The following BCORL1 variants were observed in gnomAD, a reference collection of about 807,000 sequenced individuals.
BCORL1 encodes the protein BCL-6 corepressor-like protein 1.
BCORL1 carries 7 observed loss-of-function variants against 87.6 expected under a neutral mutation model. That is an observed-to-expected ratio of 0.08 (90% CI 0.05 to 0.15). BCORL1 has a LOEUF of 0.15. Among genes scored for constraint, BCORL1 ranks in the 10% least tolerant of loss-of-function variants. The probability of loss-of-function intolerance (pLI) is 1.00; values close to 1 mark genes in which losing one functional copy is unlikely to be tolerated. For synonymous variants in BCORL1, 591 were observed against 634.4 expected (o/e 0.93, Z 1.03); for missense variants, 1,215 against 1,499.7 (o/e 0.81, Z 3.13).
chrX:130,032,733 CTATT>C (rs61204194), intron 8 of BCORL1, among the ~76,000 whole-genome samples: 22,444 of 87,326 alleles, frequency 0.26, 2,495 homozygotes, highest in East Asian at 0.3. Flanking sequence ...AGAATCTCTT[CTATT>C]TATTTATTTA....
intron 2 of BCORL1, among the ~76,000 whole-genome samples, chrX:130,009,174 G>C (rs187838724): frequency 9.0e-6 from 1 of 111,503 alleles, no homozygotes; most frequent in East Asian, 2.8e-4. Context: ...GACAATAAGA[G>C]CACAGTGTGG....
Position 130,013,849 on chromosome X carries a change from T to C in BCORL1, c.1077T>C (p.Thr359=). The C allele has an allele frequency of 8.6e-7, 1 of 1,163,497 alleles. No individual in the cohort carries two copies. The change falls in exon 4 of 14, where the codon ACT becomes ACC. Residue 359 remains threonine, a synonymous_variant. Coordinates refer to ENST00000540052, the MANE Select transcript of BCORL1 (RefSeq NM_001379451.1). The part of the protein sequence containing the change: ...APAPPSVPMP[T]PTPSSGPPST... Reference sequence around the variant, plus strand: ...CCCCTCCGTCTGTGCCCATGCCCACTCCAACCCCATCTTCCGGCCCACCTT... The same window carrying C: ...CCCCTCCGTCTGTGCCCATGCCCACCCCAACCCCATCTTCCGGCCCACCTT...
At chrX:130,006,778 G>T (rs1928542718) in intron 2 of BCORL1, among the ~76,000 whole-genome samples, 1 of 110,448 alleles carries the variant, frequency 9.1e-6, no homozygotes, top group African/African-American at 3.3e-5. Flanking sequence ...TACTATGTTG[G>T]CCAGGCTGGT....
intron 1 of BCORL1, among the ~76,000 whole-genome samples, chrX:130,002,621 A>G (rs1327499222): frequency 1.9e-5 from 2 of 106,411 alleles, no homozygotes; most frequent in African/African-American, 6.9e-5. Flanking sequence ...GAAATGGGGA[A>G]GGTGAGATAA....
intron 1 of BCORL1, among the ~76,000 whole-genome samples, chrX:129,992,959 G>A (rs1490662976): frequency 9.0e-6 from 1 of 111,613 alleles, no homozygotes; most frequent in Non-Finnish European, 1.9e-5. Context: ...GGACCCAGAA[G>A]CATCTCAAAA....
chrX:129,991,994 G>C (rs939912127), intron 1 of BCORL1, among the ~76,000 whole-genome samples: 4 of 107,551 alleles, frequency 3.7e-5, no homozygotes, highest in Non-Finnish European at 7.7e-5. Flanking sequence ...TTCTGAGATG[G>C]AGTCTTGCTC....
At chrX:130,050,308 T>C (rs5977196) in intron 11 of BCORL1, among the ~76,000 whole-genome samples, 11,385 of 108,953 alleles carry the variant, frequency 0.1, 1,565 homozygotes, top group African/African-American at 0.36. Flanking sequence ...TGTGGTGGTA[T>C]GCACCTGCAA....
At chrX:130,029,054 A>G (rs998411976) in intron 8 of BCORL1, among the ~76,000 whole-genome samples, 193 bp downstream of exon 8, 1 of 111,826 alleles carries the variant, frequency 8.9e-6, no homozygotes, top group African/African-American at 3.3e-5. Flanking sequence ...GGTCTGGCCC[A>G]TGATGGCTTT....
At chrX:130,025,985 A>G (rs1481274040) in intron 7 of BCORL1, among the ~76,000 whole-genome samples, 2 of 111,693 alleles carry the variant, frequency 1.8e-5, no homozygotes, top group Non-Finnish European at 3.8e-5. Context: ...CAGGCAGCCC[A>G]AAGAGAAAAC....
chrX:130,057,373 G>C lies in BCORL1; in HGVS notation c.*1237G>C, dbSNP rs1191432891. On this transcript the variant is annotated 3_prime_UTR_variant, in exon 14 of 14. Coordinates refer to ENST00000540052, the MANE Select transcript of BCORL1 (RefSeq NM_001379451.1). ...TGGTATCCCTACCTGGCCTCCCCCT[G>C]GCCTCTGGGCCTCCAGCGCTGGGTT... The C allele has an allele frequency of 1.8e-5, 2 of 112,076 alleles. No individual in the cohort carries two copies. The highest frequency in any genetic ancestry group is 5.6e-4 in the East Asian group (2 of 3,546). 9.2% of individuals were successfully genotyped at this position (112,076 alleles called of 1,213,427 possible).
chrX:130,018,584 G>A (rs1423316989), intron 4 of BCORL1, among the ~76,000 whole-genome samples: 2 of 112,247 alleles, frequency 1.8e-5, no homozygotes, highest in African/African-American at 6.5e-5. Flanking sequence ...TAGTGTTAGT[G>A]GTTGCTGTTA....
rs1429394573 is a variant in BCORL1 at position 130,014,946 on chromosome X, C to T, written c.2174C>T (p.Pro725Leu). The change falls in exon 4 of 14, where the codon CCT becomes CTT. Residue 725 changes from proline to leucine, a missense_variant. Coordinates refer to ENST00000540052, the MANE Select transcript of BCORL1 (RefSeq NM_001379451.1). ...GTYVGVANPV[P>L]ASLLLNKDPN... The stretch of plus-strand genomic sequence containing the variant: ...TACGTGGGAGTGGCCAACCCAGTGC[C>T]TGCATCCCTGCTGCTGAACAAAGAC... 8.3e-7 allele frequency: 1 copy of T among 1,211,696 alleles called. No individual in the cohort carries two copies. The highest frequency in any genetic ancestry group is 1.7e-5 in the African/African-American group (1 of 57,838).
intron 6 of BCORL1, 107 bp from the exon 7 acceptor site, chrX:130,024,883 G>A: frequency 1.9e-6 from 2 of 1,076,806 alleles, no homozygotes; most frequent in Non-Finnish European, 2.5e-6. Flanking sequence ...GGCAGAGCCT[G>A]AACTTGAACC....
At chrX:130,037,643 A>C (rs953227020) in intron 10 of BCORL1, 110 bp downstream of exon 10, 20 of 971,305 alleles carry the variant, frequency 2.1e-5, no homozygotes, top group Admixed American at 3.3e-5. Flanking sequence ...CTGTAATCCC[A>C]GCACTTTGGG....
At chrX:130,029,395 A>G (rs1474584300) in intron 8 of BCORL1, among the ~76,000 whole-genome samples, 1 of 111,160 alleles carries the variant, frequency 9.0e-6, no homozygotes, top group East Asian at 2.8e-4. Context: ...TCACCAATCA[A>G]CAGCCAGGCA....
intron 2 of BCORL1, among the ~76,000 whole-genome samples, chrX:130,012,355 A>G (rs951043241): frequency 9.0e-6 from 1 of 111,478 alleles, no homozygotes; most frequent in African/African-American, 3.3e-5. Flanking sequence ...AGGGGGGTCT[A>G]GTCAGACTGG....
At chrX:130,043,784 A>ATATATATATATAT (rs1556131020) in intron 11 of BCORL1, among the ~76,000 whole-genome samples, 2 of 15,974 alleles carry the variant, frequency 1.3e-4, no homozygotes, top group Non-Finnish European at 1.7e-4. Context: ...ATATATATAT[A>ATATATATATATAT]TTTTTTTTTT....
intron 11 of BCORL1, among the ~76,000 whole-genome samples, chrX:130,046,434 A>G (rs182112670): frequency 6.4e-5 from 7 of 109,077 alleles, no homozygotes; most frequent in African/African-American, 2.3e-4. Context: ...GGAGTGGTGC[A>G]GTGGCGTGAT....
chrX:130,005,939 A>G (rs1272560764), intron 2 of BCORL1, among the ~76,000 whole-genome samples: 1 of 110,947 alleles, frequency 9.0e-6, no homozygotes, highest in Non-Finnish European at 1.9e-5. Flanking sequence ...CAGCGATTGC[A>G]GTTTTTATTT....
Sources: gnomAD v4.1 joint callset for allele counts (sites outside exome capture counted in the v4.1 genomes callset) on GRCh38, gnomAD v4.1.1 for gene constraint, MANE v1.5 for transcripts, NCBI Gene and HGNC (gene_info 2026-07-23, HGNC 2026-07-21) for gene names.